Variants in PDZD2 observed in about 807,000 individuals in gnomAD.
The protein encoded by PDZD2 is PDZ domain containing 2.
A neutral mutation model predicts 220.7 loss-of-function variants in PDZD2; 90 were observed. The ratio of observed to expected loss-of-function variants is 0.41; its 90% CI spans 0.34 to 0.49. The LOEUF is 0.49. PDZD2 is among the 20% of genes least tolerant of loss of function. The pLI is 0.28. For missense variants in PDZD2, 3,174 were observed against 3,608.5 expected (o/e 0.88, Z 3.08); for synonymous variants, 1,375 against 1,450.5 (o/e 0.95, Z 1.18).
rs989401018 is a variant in PDZD2 at position 31,639,225 on chromosome 5, C to T, written c.-573C>T. On this transcript the variant is annotated 5_prime_UTR_variant, in exon 1 of 25. Coordinates refer to ENST00000438447, the MANE Select transcript of PDZD2 (RefSeq NM_178140.4). The surrounding 1 kb of genome is among the most constrained non-coding windows in gnomAD (Gnocchi z 4.1). ...GCAGCGGGACGCGGCGGGGCGGCGGCTGCAGGCAGCCGAGGAGCCGCAGGC... is the reference window on the plus strand; with the variant it reads ...GCAGCGGGACGCGGCGGGGCGGCGGTTGCAGGCAGCCGAGGAGCCGCAGGC... 6.6e-6 allele frequency among the ~76,000 whole-genome samples: 1 copy of T among 151,600 alleles called. No individual in the cohort carries two copies. Among genetic ancestry groups the T allele is most frequent in the Non-Finnish European group, 1.5e-5 (1 of 67,836 alleles).
At chr5:31,788,028 C>T (rs542288197) in intron 1 of PDZD2, among the ~76,000 whole-genome samples, 6 of 152,270 alleles carry the variant, frequency 3.9e-5, no homozygotes, top group South Asian at 2.1e-4. Flanking sequence ...CTGCCTCATA[C>T]GCACAGCCCT....
intron 6 of PDZD2, among the ~76,000 whole-genome samples, chr5:32,032,589 G>T (rs757291408): frequency 2.0e-5 from 3 of 152,074 alleles, no homozygotes; most frequent in Non-Finnish European, 2.9e-5. Context: ...TCAGCTTGCT[G>T]GTTTCCAGAA....
intron 1 of PDZD2, among the ~76,000 whole-genome samples, chr5:31,696,793 C>T (rs568093468): frequency 2.1e-4 from 32 of 152,320 alleles, no homozygotes; most frequent in African/African-American, 7.7e-4. Context: ...CTAGGCCCTT[C>T]TCCCCTACAA....
chr5:32,071,518 C>T (rs1471312918), intron 16 of PDZD2, 100 bp downstream of exon 16: 1 of 892,554 alleles, frequency 1.1e-6, no homozygotes, highest in Non-Finnish European at 1.9e-6. Flanking sequence ...CTGTTTCTGC[C>T]CATGAGTCAT....
intron 17 of PDZD2, among the ~76,000 whole-genome samples, chr5:32,072,947 C>T (rs1480536030): frequency 2.0e-5 from 3 of 152,150 alleles, no homozygotes; most frequent in Admixed American, 2.0e-4. Context: ...CCTCACCAGG[C>T]CCTAGCTTCA....
chr5:32,018,820 G>A (rs754861431), intron 6 of PDZD2, among the ~76,000 whole-genome samples: 12 of 152,168 alleles, frequency 7.9e-5, no homozygotes, highest in Non-Finnish European at 1.5e-4. Context: ...GCCTTATGTC[G>A]GATTGCCAGA....
rs189974532 is a variant in PDZD2, at chr5:32,010,525, T to C, written c.1407+43T>C. On this transcript the variant is annotated intron_variant, in intron 6 of 24. Transcript: ENST00000438447. ...CCTGGCTTTCTGTTGGAATTACTTT[T>C]TTCTGAAGTCCTGGGCGCCAGGATT... 5 of 1,481,468 alleles carry C rather than the reference T, an allele frequency of 3.4e-6. No homozygotes were observed. The African/African-American group carries it at 4.2e-5, about 12-fold the overall frequency. The allele number at this position is 1,481,468 out of a possible 1,614,324, so 91.8% of individuals were successfully genotyped here.
intron 2 of PDZD2, chr5:31,923,400 C>T: frequency 1.6e-6 from 2 of 1,253,526 alleles, no homozygotes; most frequent in South Asian, 1.2e-5. Context: ...CAAGCAGAGA[C>T]TGCAGCAGCT....
intron 2 of PDZD2, among the ~76,000 whole-genome samples, chr5:31,900,284 A>G (rs72757970): frequency 0.035 from 5,268 of 152,270 alleles, 122 homozygotes; most frequent in Middle Eastern, 0.071. Flanking sequence ...GTCAAGAAAC[A>G]CTTGTAAATA....
chr5:31,808,170 A>G (rs1425515944), intron 2 of PDZD2, among the ~76,000 whole-genome samples: 3 of 152,178 alleles, frequency 2.0e-5, no homozygotes, highest in African/African-American at 7.2e-5. Flanking sequence ...CTACCTGAAT[A>G]TGCTCAAAGG....
At chr5:31,665,638 T>TCCCCCCCCCCCC (rs202150349) in intron 1 of PDZD2, among the ~76,000 whole-genome samples, 1 of 75,690 alleles carries the variant, frequency 1.3e-5, no homozygotes, top group Non-Finnish European at 2.9e-5. Flanking sequence ...GTTTGGAAGT[T>TCCCCCCCCCCCC]CCCCCTCCCC....
At chr5:31,866,952 C>T (rs1032093770) in intron 2 of PDZD2, among the ~76,000 whole-genome samples, 34 of 152,166 alleles carry the variant, frequency 2.2e-4, no homozygotes, top group Non-Finnish European at 4.3e-4. Flanking sequence ...TCTAATCCAG[C>T]TTCATCCTTC....
intron 1 of PDZD2, among the ~76,000 whole-genome samples, chr5:31,726,490 T>C (rs1749147921): frequency 6.6e-6 from 1 of 152,306 alleles, no homozygotes; most frequent in Admixed American, 6.5e-5. Context: ...GATTGTGCCA[T>C]TGCACTTCAG....
At chr5:31,755,950 G>T (rs1440086540) in intron 1 of PDZD2, among the ~76,000 whole-genome samples, 1 of 152,104 alleles carries the variant, frequency 6.6e-6, no homozygotes, top group Non-Finnish European at 1.5e-5. Flanking sequence ...CCAACTCCTA[G>T]TGTTATTGGG....
At chr5:31,651,626 A>G (rs982907388) in intron 1 of PDZD2, among the ~76,000 whole-genome samples, 1 of 149,860 alleles carries the variant, frequency 6.7e-6, no homozygotes, top group Admixed American at 6.6e-5. Flanking sequence ...GACTTGCTTT[A>G]TTTATTTATT....
At chr5:31,699,749 A>G (rs805209) in intron 1 of PDZD2, among the ~76,000 whole-genome samples, 62,022 of 149,782 alleles carry the variant, frequency 0.41, 13,365 homozygotes, top group African/African-American at 0.53. Flanking sequence ...GATTCCAGGC[A>G]TACTACCATG....
At chr5:31,740,473 C>T (rs960796476) in intron 1 of PDZD2, among the ~76,000 whole-genome samples, 26 of 132,888 alleles carry the variant, frequency 2.0e-4, no homozygotes, top group African/African-American at 6.5e-4. Flanking sequence ...TGCAGTGAGC[C>T]GAGATCTTGC....
chr5:32,079,321 G>A (rs552840409), intron 19 of PDZD2, among the ~76,000 whole-genome samples: 43 of 151,202 alleles, frequency 2.8e-4, no homozygotes, highest in Admixed American at 8.6e-4. Context: ...CTTGCACTCT[G>A]TGGGTAGGGG....
In PDZD2 at chr5:31,795,880, G is replaced by C. The variant is rs116282668; in HGVS notation, c.-360-3009G>C. Among the ~76,000 whole-genome samples the C allele has an allele frequency of 4.1e-3, 626 of 152,334 alleles. 5 individuals are homozygous for C. Among genetic ancestry groups the C allele is most frequent in the African/African-American group, 0.014 (565 of 41,584 alleles). ...AGCCCTCAATTATAGGTATGGGATT[G>C]AAAGGCTGTGTAGCCCATGGACACC... On this transcript the variant is annotated intron_variant, in intron 1 of 24. Transcript: ENST00000438447.
Sources: allele counts gnomAD v4.1 joint callset (sites outside exome capture counted in the v4.1 genomes callset), GRCh38; gene constraint gnomAD v4.1.1; non-coding constraint Gnocchi (gnomAD v3.1); transcripts MANE v1.5; gene names NCBI Gene and HGNC (gene_info 2026-07-23, HGNC 2026-07-21).